TMOD1: variants seen among roughly 807,000 people sequenced by gnomAD.
TMOD1 encodes tropomodulin-1.
TMOD1 carries 17 observed loss-of-function variants against 40.6 expected under a neutral mutation model. The ratio of observed to expected loss-of-function variants is 0.42; its 90% confidence interval spans 0.29 to 0.63. TMOD1 has a LOEUF of 0.63. TMOD1 is among the 20% of genes least tolerant of loss of function. The probability of loss-of-function intolerance (pLI) is 0.22; values close to 1 mark genes in which losing one functional copy is unlikely to be tolerated. For missense variants in TMOD1, 391 were observed against 447.6 expected (o/e 0.87, Z 1.14); for synonymous variants, 181 against 175.0 (o/e 1.03, Z -0.27).
chr9:97,517,351 TTAAAA>T (rs1394921484), intron 1 of TMOD1, among the ~76,000 whole-genome samples: 3 of 151,082 alleles, frequency 2.0e-5, no homozygotes, highest in Non-Finnish European at 4.4e-5. Context: ...AAAAAAAAGT[TTAAAA>T]TAAGAGAAAG....
rs1826001267 is a variant in TMOD1, at chr9:97,591,509, A to G, written c.1015+74A>G. The G allele has an allele frequency of 5.2e-6, 8 of 1,534,980 alleles. No homozygotes were observed. The South Asian group carries it at 9.8e-5, about 19-fold the overall frequency. On this transcript the variant is annotated intron_variant, in intron 9 of 9. Transcript: ENST00000259365. ...CCACCTGTGCTGGGGATGTCAGGGAAAATTCTGTAGATGCCTCTCCGAGTC... is the reference window on the plus strand; with the variant it reads ...CCACCTGTGCTGGGGATGTCAGGGAGAATTCTGTAGATGCCTCTCCGAGTC...
At chr9:97,541,256 C>G (rs963936196) in intron 2 of TMOD1, among the ~76,000 whole-genome samples, 1 of 152,192 alleles carries the variant, frequency 6.6e-6, no homozygotes, top group Non-Finnish European at 1.5e-5. Flanking sequence ...GGCACAATCT[C>G]AGCTCACTGC....
chr9:97,566,859 T>C (rs538292663), intron 7 of TMOD1, among the ~76,000 whole-genome samples: 2 of 152,278 alleles, frequency 1.3e-5, no homozygotes, highest in South Asian at 2.1e-4. Flanking sequence ...AGAGTCTCTC[T>C]GTGCCCAACG....
chr9:97,510,461 C>A (rs1034508531), intron 1 of TMOD1, among the ~76,000 whole-genome samples: 3 of 152,174 alleles, frequency 2.0e-5, no homozygotes, highest in Non-Finnish European at 2.9e-5. Flanking sequence ...GAACTCCTGA[C>A]CTCAGGGGAT....
chr9:97,578,332 C>T (rs1423112902), intron 8 of TMOD1, among the ~76,000 whole-genome samples: 1 of 152,184 alleles, frequency 6.6e-6, no homozygotes, highest in Non-Finnish European at 1.5e-5. Context: ...GGATTACAGG[C>T]GTGAGCCACC....
chr9:97,581,052 G>T (rs1369395788), intron 8 of TMOD1, among the ~76,000 whole-genome samples: 3 of 144,092 alleles, frequency 2.1e-5, no homozygotes, highest in Admixed American at 7.1e-5. Flanking sequence ...GTGCAGGTTA[G>T]TTACATATGT....
chr9:97,599,761 A>G lies in TMOD1; in HGVS notation c.*63A>G. 1 of 1,610,744 alleles carries G rather than the reference A, an allele frequency of 6.2e-7. No individual in the cohort carries two copies. Among genetic ancestry groups the G allele is most frequent in the Non-Finnish European group, 8.5e-7 (1 of 1,178,026 alleles). On this transcript the variant is annotated 3_prime_UTR_variant, in exon 10 of 10. Transcript: ENST00000259365. ...GTTCTATTGATGACCTGTGCTCTGCAGGGGAAACCAGAAGGCAAAATGCTG... is the reference window on the plus strand; with the variant it reads ...GTTCTATTGATGACCTGTGCTCTGCGGGGGAAACCAGAAGGCAAAATGCTG...
intron 3 of TMOD1, among the ~76,000 whole-genome samples, chr9:97,551,349 T>C (rs1355234003): frequency 3.3e-5 from 5 of 152,124 alleles, no homozygotes; most frequent in African/African-American, 1.2e-4. Flanking sequence ...TAACTTATAT[T>C]TAAGTCATTC....
At chr9:97,555,743 T>C (rs1473294953) in intron 4 of TMOD1, 13 of 1,466,458 alleles carry the variant, frequency 8.9e-6, no homozygotes, top group Middle Eastern at 1.7e-4. Flanking sequence ...ATTGCATTTA[T>C]TGACCAAAAC....
At chr9:97,585,623 C>T (rs1405517886) in intron 8 of TMOD1, among the ~76,000 whole-genome samples, 8 of 141,810 alleles carry the variant, frequency 5.6e-5, no homozygotes, top group African/African-American at 2.2e-4. Context: ...TCCATTCTCC[C>T]CATCACTTTC....
intron 1 of TMOD1, among the ~76,000 whole-genome samples, chr9:97,504,745 A>G (rs1829565082): frequency 6.6e-6 from 1 of 152,120 alleles, no homozygotes; most frequent in Admixed American, 6.5e-5. Context: ...TGGCTTATTT[A>G]TTTCTGAAAT....
At chr9:97,597,719 C>T (rs866624221) in intron 9 of TMOD1, among the ~76,000 whole-genome samples, 3 of 53,338 alleles carry the variant, frequency 5.6e-5, no homozygotes, top group African/African-American at 2.4e-4. Flanking sequence ...AAAAAATAGG[C>T]AAGCCAGTGC....
At position 97,600,171 on chromosome 9, in the gene TMOD1, G is replaced by C. The variant is rs1330268142; in HGVS notation, c.*473G>C. Reference sequence around the variant, plus strand: ...TATCATTCTTTATTAACCCTCCTTGGAATTTTGAAAACCTCGATTAAAGTT... The same window carrying C: ...TATCATTCTTTATTAACCCTCCTTGCAATTTTGAAAACCTCGATTAAAGTT... On this transcript the variant is annotated 3_prime_UTR_variant, in exon 10 of 10. Coordinates refer to ENST00000259365, the MANE Select transcript of TMOD1 (RefSeq NM_003275.4). 1.4e-5 allele frequency: 14 copies of C among 995,384 alleles called. No individual in the cohort carries two copies. The highest frequency in any genetic ancestry group is 1.6e-5 in the Non-Finnish European group (13 of 834,894). The allele number at this position is 995,384 out of a possible 1,614,324, so 61.7% of individuals were successfully genotyped here. A position where few individuals can be genotyped will look rare whatever the true frequency, so the allele number is the denominator to read the frequency against.
intron 4 of TMOD1, among the ~76,000 whole-genome samples, chr9:97,561,873 C>T (rs375289126): frequency 3.3e-5 from 5 of 152,230 alleles, no homozygotes; most frequent in Admixed American, 2.6e-4. Context: ...TTGACCAACA[C>T]TTACTCCTCC....
chr9:97,504,026 G>A (rs1829547563), intron 1 of TMOD1, among the ~76,000 whole-genome samples: 1 of 152,192 alleles, frequency 6.6e-6, no homozygotes, highest in Non-Finnish European at 1.5e-5. Flanking sequence ...GGAGTAGGGG[G>A]ATGAGGACTG....
At chr9:97,577,784 A>C (rs575045765) in intron 8 of TMOD1, among the ~76,000 whole-genome samples, 2 of 152,282 alleles carry the variant, frequency 1.3e-5, no homozygotes, top group African/African-American at 4.8e-5. Flanking sequence ...AATAACATAA[A>C]ATAAAATAAA....
chr9:97,579,250 G>A (rs966366221), intron 8 of TMOD1, among the ~76,000 whole-genome samples: 3 of 152,080 alleles, frequency 2.0e-5, no homozygotes, highest in Non-Finnish European at 2.9e-5. Context: ...GGCTGACGTC[G>A]CCTCTATCCC....
intron 7 of TMOD1, 115 bp downstream of exon 7, chr9:97,566,070 G>C: frequency 1.2e-6 from 1 of 845,458 alleles, no homozygotes; most frequent in Non-Finnish European, 1.9e-6. Flanking sequence ...ATGTGGTACA[G>C]TGGAAGGCAT....
rs1829526156 is a variant in TMOD1, at chr9:97,502,750, G to A, written c.-49+947G>A. 6.6e-6 allele frequency among the ~76,000 whole-genome samples: 1 copy of A among 152,214 alleles called. No individual in the cohort carries two copies. Among genetic ancestry groups the A allele is most frequent in the Admixed American group, 6.5e-5 (1 of 15,288 alleles). ...GATATCCTAAGCCGTACAACCCTAGGAAGTGCACTTTTGGGGTGCCTATGG... is the reference window on the plus strand; with the variant it reads ...GATATCCTAAGCCGTACAACCCTAGAAAGTGCACTTTTGGGGTGCCTATGG... On this transcript the variant is annotated intron_variant, in intron 1 of 9. Transcript: ENST00000259365. This position sits in a 1 kb window ranked among gnomAD's most constrained non-coding sequence, Gnocchi z 6.1.
Sources: gnomAD v4.1 joint callset for allele counts (sites outside exome capture counted in the v4.1 genomes callset) on GRCh38, gnomAD v4.1.1 for gene constraint, Gnocchi (gnomAD v3.1) non-coding constraint, MANE v1.5 for transcripts, NCBI Gene and HGNC (gene_info 2026-07-23, HGNC 2026-07-21) for gene names.